NSD1: variants seen among roughly 807,000 people sequenced by gnomAD.
NSD1 encodes the protein nuclear receptor binding SET domain protein 1, also known as histone-lysine N-methyltransferase, H3 lysine-36 specific.
NSD1 carries 26 observed loss-of-function variants against 242.7 expected under a neutral mutation model. The ratio of observed to expected loss-of-function variants is 0.11; its 90% CI spans 0.08 to 0.15. The LOEUF is 0.15. NSD1 is among the 10% of genes least tolerant of loss of function. The pLI is 1.00. For synonymous variants in NSD1, 1,106 were observed against 1,178.1 expected (o/e 0.94, Z 1.25); for missense variants, 2,495 against 3,272.8 (o/e 0.76, Z 5.80).
chr5:177,267,077 C>T (rs755365541), intron 14 of NSD1, among the ~76,000 whole-genome samples: 2 of 152,200 alleles, frequency 1.3e-5, no homozygotes, highest in African/African-American at 4.8e-5. Flanking sequence ...GGGCTGTTCT[C>T]TAACTCCTGA....
chr5:177,186,341 G>C (rs1761231859), intron 2 of NSD1, among the ~76,000 whole-genome samples: 1 of 151,348 alleles, frequency 6.6e-6, no homozygotes, highest in South Asian at 2.1e-4. Flanking sequence ...TTAATATTTA[G>C]CTCAACTGTA....
chr5:177,260,292 C>T (rs1581469012), intron 14 of NSD1, 124 bp downstream of exon 14: 3 of 833,404 alleles, frequency 3.6e-6, no homozygotes, highest in East Asian at 5.6e-5. Context: ...TACTATTCAT[C>T]TGCCATTCAG....
At chr5:177,190,875 G>T (rs1449797237) in intron 2 of NSD1, among the ~76,000 whole-genome samples, 1 of 150,966 alleles carries the variant, frequency 6.6e-6, no homozygotes, top group Non-Finnish European at 1.5e-5. Context: ...CACCGTGTTA[G>T]CCAGGATGGT....
rs1766450095 is a variant in NSD1, at chr5:177,248,206, C to A, written c.4523C>A (p.Ala1508Asp). 3 of 1,614,106 alleles carry A rather than the reference C, an allele frequency of 1.9e-6. No individual in the cohort carries two copies. The highest frequency in any genetic ancestry group is 8.5e-7 in the Non-Finnish European group (1 of 1,180,024). The change falls in exon 11 of 23, where the codon GCC becomes GAC. Residue 1508 changes from alanine to aspartate, a missense_variant. By Grantham distance (126) the Ala-to-Asp change is moderately radical. Coordinates refer to ENST00000439151, the MANE Select transcript of NSD1 (RefSeq NM_022455.5). ...GGAGAACTAATGCCTCACAGGACGG[C>A]CACAAGCCCCAAGGAGACTGTTGAG... Reference protein sequence around the residue: ...SEGELMPHRTATSPKETVEEG... With the variant: ...SEGELMPHRTDTSPKETVEEG...
At chr5:177,265,249 TAAAAA>T in intron 14 of NSD1, 1 of 732,218 alleles carries the variant, frequency 1.4e-6, no homozygotes, top group Non-Finnish European at 2.5e-6. Context: ...TCATAGGTGT[TAAAAA>T]AAATAAAAGA....
At chr5:177,253,984 T>C (rs1756215282) in intron 12 of NSD1, among the ~76,000 whole-genome samples, 1 of 152,182 alleles carries the variant, frequency 6.6e-6, no homozygotes, top group South Asian at 2.1e-4. Context: ...TTTCAGAGTC[T>C]TGCACTGTCA....
intron 12 of NSD1, among the ~76,000 whole-genome samples, chr5:177,254,095 G>A (rs986833695): frequency 6.6e-6 from 1 of 152,054 alleles, no homozygotes; most frequent in Admixed American, 6.6e-5. Context: ...TTACAGGCAT[G>A]TGCCACCACT....
At chr5:177,148,123 T>A (rs2149772955) in intron 2 of NSD1, among the ~76,000 whole-genome samples, 1 of 152,148 alleles carries the variant, frequency 6.6e-6, no homozygotes, top group South Asian at 2.1e-4. Context: ...TGTTAAGTTT[T>A]TTTTTTTTCC....
chr5:177,212,021 A>C lies in NSD1; in HGVS notation c.3622A>C (p.Thr1208Pro). Residue 1208 changes from threonine to proline, a missense_variant, in exon 5 of 23, where the codon ACT (threonine) becomes CCT (proline). Thr to Pro is a conservative substitution (Grantham distance 38, BLOSUM62 -1). Coordinates refer to ENST00000439151, the MANE Select transcript of NSD1 (RefSeq NM_022455.5). ...GCGGGATGAGTTTCCAGAGCATAGA[A>C]CTCCTTCAGCAAGCATACTTGAGGA... The part of the protein sequence containing the change: ...EGRDEFPEHR[T>P]PSASILEEPL... The C allele has an allele frequency of 1.9e-6, 3 of 1,613,868 alleles. No individual in the cohort carries two copies. The East Asian group carries it at 6.7e-5, about 36-fold the overall frequency.
chr5:177,241,288 G>C (rs952584945), intron 8 of NSD1, among the ~76,000 whole-genome samples: 2 of 151,756 alleles, frequency 1.3e-5, no homozygotes, highest in African/African-American at 4.8e-5. Flanking sequence ...CTTGCGGTCA[G>C]GAGTTGGAGA....
chr5:177,150,190 A>G (rs1441450675), intron 2 of NSD1, among the ~76,000 whole-genome samples: 3 of 151,892 alleles, frequency 2.0e-5, no homozygotes, highest in African/African-American at 4.8e-5. Flanking sequence ...CTGGAATGCA[A>G]TGGCACGATC....
intron 2 of NSD1, among the ~76,000 whole-genome samples, chr5:177,152,476 CTTTTTTTTTT>C (rs35553344): frequency 9.0e-6 from 1 of 110,516 alleles, no homozygotes; most frequent in Non-Finnish European, 1.8e-5. Context: ...TCAAGCGATT[CTTTTTTTTTT>C]TTTTTTTTTT....
At chr5:177,219,832 C>T (rs1366983638) in intron 5 of NSD1, among the ~76,000 whole-genome samples, 2 of 152,098 alleles carry the variant, frequency 1.3e-5, no homozygotes, top group Non-Finnish European at 2.9e-5. Context: ...CATGGTTGCT[C>T]ATGCCTGTAG....
At chr5:177,137,301 AT>A (rs1223708349) in intron 2 of NSD1, 20 of 170,228 alleles carry the variant, frequency 1.2e-4, no homozygotes, top group Middle Eastern at 2.5e-3. Flanking sequence ...AGCAAAGAGA[AT>A]TTTTTTTGGC....
chr5:177,234,657 A>G (rs377615285), intron 5 of NSD1, among the ~76,000 whole-genome samples: 1 of 152,228 alleles, frequency 6.6e-6, no homozygotes, highest in Non-Finnish European at 1.5e-5. Context: ...TGAAGGTTGC[A>G]GTGAGCTGAG....
Position 177,295,763 on chromosome 5 carries a change from GT to G in NSD1, c.*305del. 2.0e-6 allele frequency: 1 copy of G among 508,516 alleles called. No homozygotes were observed. The allele number at this position is 508,516 out of a possible 1,614,324, so 31.5% of individuals were successfully genotyped here. ...AATAAAAAGTCCACTCTGGAGTCAA[GT>G]ATGGAATTCAATTCCGCTGGTCAGG... On this transcript the variant is annotated 3_prime_UTR_variant, in exon 23 of 23. Coordinates refer to ENST00000439151, the MANE Select transcript of NSD1 (RefSeq NM_022455.5). The surrounding 1 kb of genome is among the most constrained non-coding windows in gnomAD (Gnocchi z 4.3).
intron 14 of NSD1, among the ~76,000 whole-genome samples, chr5:177,262,223 A>G (rs1757051976): frequency 6.6e-6 from 1 of 152,184 alleles, no homozygotes. Context: ...TCTTCTAAAA[A>G]TTATCTTTGT....
chr5:177,151,718 G>A (rs1346147190), intron 2 of NSD1, among the ~76,000 whole-genome samples: 3 of 149,818 alleles, frequency 2.0e-5, no homozygotes, highest in Non-Finnish European at 3.0e-5. Flanking sequence ...TTGAGACAGG[G>A]TCTCACTCTG....
At chr5:177,158,821 C>CTAAAAAAAAAA (rs1758418936) in intron 2 of NSD1, among the ~76,000 whole-genome samples, 1 of 80,336 alleles carries the variant, frequency 1.2e-5, no homozygotes, top group Non-Finnish European at 2.4e-5. Flanking sequence ...GACTTCATCT[C>CTAAAAAAAAAA]AAAAAAAAAA....
Sources: gnomAD v4.1 joint callset for allele counts (sites outside exome capture counted in the v4.1 genomes callset) on GRCh38, gnomAD v4.1.1 for gene constraint, Gnocchi (gnomAD v3.1) non-coding constraint, MANE v1.5 for transcripts, NCBI Gene and HGNC (gene_info 2026-07-23, HGNC 2026-07-21) for gene names.